Variants in THSD7A observed in about 807,000 individuals in gnomAD.
THSD7A encodes thrombospondin type 1 domain containing 7A.
THSD7A carries 96 observed loss-of-function variants against 231.3 expected under a neutral mutation model. The ratio of observed to expected loss-of-function variants is 0.41; its 90% CI spans 0.35 to 0.49. THSD7A has a LOEUF of 0.49. THSD7A is among the 20% of genes least tolerant of loss of function. The probability of loss-of-function intolerance (pLI) is 0.05; values close to 1 mark genes in which losing one functional copy is unlikely to be tolerated. For missense variants in THSD7A, 2,290 were observed against 2,070.2 expected (o/e 1.11, Z -2.06); for synonymous variants, 940 against 743.3 (o/e 1.26, Z -4.30).
At chr7:11,816,587 G>A (rs1055481621) in intron 1 of THSD7A, among the ~76,000 whole-genome samples, 1 of 136,154 alleles carries the variant, frequency 7.3e-6, no homozygotes, top group African/African-American at 2.7e-5. Flanking sequence ...GACATAAAAA[G>A]GGTCTTAAAA....
chr7:11,686,060 G>C (rs887550732), intron 1 of THSD7A, among the ~76,000 whole-genome samples: 1 of 151,738 alleles, frequency 6.6e-6, no homozygotes, highest in Non-Finnish European at 1.5e-5. Flanking sequence ...GTCCTTTTCA[G>C]TGTTAGCAAA....
rs1263791613 is a variant in THSD7A, at chr7:11,401,899, A to G, written c.4307T>C (p.Leu1436Pro). 6.2e-7 allele frequency: 1 copy of G among 1,613,946 alleles called. No homozygotes were observed. Among genetic ancestry groups the G allele is most frequent in the African/African-American group, 1.3e-5 (1 of 75,034 alleles). The change falls in exon 23 of 28, where the codon CTA (leucine) becomes CCA (proline). Residue 1436 changes from leucine to proline, a missense_variant. Coordinates refer to ENST00000423059, the MANE Select transcript of THSD7A (RefSeq NM_015204.3). ...TCTGACCTGTATTCCACCAAAGCCTAGATCCTCACCATTCACACAGGTCAG... is the reference window on the plus strand; with the variant it reads ...TCTGACCTGTATTCCACCAAAGCCTGGATCCTCACCATTCACACAGGTCAG... ...CQLTCVNGEDLGFGGIQVRSR... is the reference protein window; with the variant it reads ...CQLTCVNGEDPGFGGIQVRSR...
chr7:11,499,305 A>T (rs1184685751), intron 6 of THSD7A, among the ~76,000 whole-genome samples: 1 of 152,168 alleles, frequency 6.6e-6, no homozygotes, highest in Non-Finnish European at 1.5e-5. Flanking sequence ...CACTGAGTTG[A>T]CATGCATCTC....
At chr7:11,769,110 A>G (rs1692015668) in intron 1 of THSD7A, among the ~76,000 whole-genome samples, 2 of 114,652 alleles carry the variant, frequency 1.7e-5, no homozygotes, top group Non-Finnish European at 3.5e-5. Context: ...GGCACCTGCC[A>G]TAATTCCTGG....
chr7:11,669,927 TAAC>T (rs1783309091), intron 1 of THSD7A, among the ~76,000 whole-genome samples: 1 of 151,986 alleles, frequency 6.6e-6, no homozygotes, highest in Non-Finnish European at 1.5e-5. Flanking sequence ...TCATCCCTAA[TAAC>T]AACTCTCCCA....
chr7:11,508,441 A>G (rs569514250), intron 6 of THSD7A, among the ~76,000 whole-genome samples: 4 of 152,334 alleles, frequency 2.6e-5, no homozygotes, highest in South Asian at 2.1e-4. Flanking sequence ...GTGAAAAAAA[A>G]AGACAACTCT....
At chr7:11,417,317 C>T (rs1467582773) in intron 17 of THSD7A, 133 bp downstream of exon 17, 1 of 862,472 alleles carries the variant, frequency 1.2e-6, no homozygotes, top group Non-Finnish European at 1.7e-6. Context: ...AGAAGACACA[C>T]CTTGCTTTGC....
At chr7:11,395,940 A>C (rs898523609) in intron 23 of THSD7A, among the ~76,000 whole-genome samples, 5 of 152,000 alleles carry the variant, frequency 3.3e-5, no homozygotes, top group Non-Finnish European at 7.3e-5. Context: ...CATAACAAAC[A>C]GTCTCTCAGA....
chr7:11,671,022 T>C (rs1012095699), intron 1 of THSD7A, among the ~76,000 whole-genome samples: 8 of 152,246 alleles, frequency 5.3e-5, no homozygotes, highest in Middle Eastern at 6.8e-3. Context: ...CCAAGTTTGA[T>C]GAGAAGTTTT....
At chr7:11,414,290 G>A (rs1310889859) in intron 17 of THSD7A, among the ~76,000 whole-genome samples, 2 of 152,208 alleles carry the variant, frequency 1.3e-5, no homozygotes, top group African/African-American at 4.8e-5. Flanking sequence ...TGACATTAGA[G>A]CACTGAAAAT....
intron 9 of THSD7A, among the ~76,000 whole-genome samples, chr7:11,462,681 A>T (rs1360103579): frequency 6.6e-6 from 1 of 152,164 alleles, no homozygotes; most frequent in Non-Finnish European, 1.5e-5. Flanking sequence ...TAAGACCTTC[A>T]ATTCAGGTCA....
rs556373160 is a variant in THSD7A at position 11,686,291 on chromosome 7, A to G, written c.191-49330T>C. Among the ~76,000 whole-genome samples, 9 of 152,016 alleles carry G rather than the reference A, an allele frequency of 5.9e-5. No individual in the cohort carries two copies. In the East Asian group the frequency reaches 1.6e-3, roughly 26 times the overall value. On this transcript the variant is annotated intron_variant, in intron 1 of 27. Transcript: ENST00000423059. ...TAGAATCCCAAACCTCCTGCACCAC[A>G]TAATATACCCCTGTAATAAACCCAC...
chr7:11,715,245 T>C (rs1781097832), intron 1 of THSD7A, among the ~76,000 whole-genome samples: 1 of 151,434 alleles, frequency 6.6e-6, no homozygotes, highest in African/African-American at 2.4e-5. Context: ...TACAATGAAG[T>C]TTCATTTGCG....
intron 1 of THSD7A, chr7:11,820,831 C>T: frequency 1.0e-6 from 1 of 974,196 alleles, no homozygotes; most frequent in Non-Finnish European, 1.6e-6. Context: ...TCTTCTGCTT[C>T]TTTGATCCTT....
intron 6 of THSD7A, among the ~76,000 whole-genome samples, chr7:11,518,487 A>G (rs1788126906): frequency 1.3e-5 from 2 of 152,268 alleles, no homozygotes; most frequent in South Asian, 4.1e-4. Context: ...CATTCATTAC[A>G]TGCTGGCATT....
intron 4 of THSD7A, among the ~76,000 whole-genome samples, chr7:11,579,520 A>G (rs1791064651): frequency 6.6e-6 from 1 of 152,230 alleles, no homozygotes; most frequent in Admixed American, 6.5e-5. Context: ...TGATAGTGTC[A>G]GGTTAGATGA....
chr7:11,573,656 T>A (rs1344790143), intron 4 of THSD7A, among the ~76,000 whole-genome samples: 1 of 152,212 alleles, frequency 6.6e-6, no homozygotes, highest in African/African-American at 2.4e-5. Context: ...AACAATATGT[T>A]TGCTTTCTGA....
chr7:11,589,660 G>C (rs898624073), intron 4 of THSD7A, among the ~76,000 whole-genome samples: 1 of 152,034 alleles, frequency 6.6e-6, no homozygotes, highest in East Asian at 1.9e-4. Context: ...ACGTTCAATG[G>C]GTCAGTGAAA....
Position 11,677,090 on chromosome 7 carries a change from A to T in THSD7A, c.191-40129T>A, listed in dbSNP as rs556948659. 2.2e-4 allele frequency among the ~76,000 whole-genome samples: 34 copies of T among 152,240 alleles called. 1 individual carries two copies. In the East Asian group the frequency reaches 6.6e-3, roughly 29 times the overall value. On this transcript the variant is annotated intron_variant, in intron 1 of 27. Transcript: ENST00000423059. ...TCTCTCTGCAGAAATCCTACAAGCT[A>T]GAAGAGAGTGGAGGCTAACATTCAA...
Sources: gnomAD v4.1 joint callset for allele counts (sites outside exome capture counted in the v4.1 genomes callset) on GRCh38, gnomAD v4.1.1 for gene constraint, MANE v1.5 for transcripts, NCBI Gene and HGNC (gene_info 2026-07-23, HGNC 2026-07-21) for gene names.